MADD: variants seen among roughly 807,000 people sequenced by gnomAD.
MADD encodes MAP kinase activating death domain, also known as MAP kinase-activating death domain protein.
Under a neutral mutation model 176.7 loss-of-function variants are expected in MADD, and 109 were observed. That is an observed-to-expected ratio of 0.62 (90% CI 0.53 to 0.72). The LOEUF (loss-of-function observed/expected upper bound fraction) is 0.72, where lower values mean the gene tolerates loss of function less well. Among genes scored for constraint, MADD ranks in the 30% least tolerant of loss-of-function variants. MADD has a pLI of 0.00. For synonymous variants in MADD, 771 were observed against 771.3 expected (o/e 1.00, Z 0.01); for missense variants, 1,914 against 2,045.5 (o/e 0.94, Z 1.24).
chr11:47,308,870 G>C, intron 23 of MADD, 110 bp from the exon 26 acceptor site: 1 of 1,151,176 alleles, frequency 8.7e-7, no homozygotes. Flanking sequence ...CAAGCAGTGG[G>C]TGAAAACTGG....
At chr11:47,274,450 G>A in intron 2 of MADD, 113 bp from the exon 3 acceptor site, 1 of 880,170 alleles carries the variant, frequency 1.1e-6, no homozygotes, top group East Asian at 2.4e-5. Context: ...AGGTGTTACA[G>A]TCAGGTTACT....
chr11:47,274,773 T>C (rs367634564), exon 3 of MADD: 11 of 1,614,206 alleles, frequency 6.8e-6, no homozygotes, highest in African/African-American at 6.7e-5. Flanking sequence ...TCACGCGATA[T>C]GGCATCTGTG....
At chr11:47,298,241 A>C (rs1054962198) in intron 22 of MADD, among the ~76,000 whole-genome samples, 1 of 152,224 alleles carries the variant, frequency 6.6e-6, no homozygotes, top group South Asian at 2.1e-4. Flanking sequence ...GAGCCAGAGT[A>C]ATAGGAAAAT....
At chr11:47,328,836 A>G (rs1014875261) in intron 32 of MADD, 132 bp downstream of exon 36, 3 of 1,221,110 alleles carry the variant, frequency 2.5e-6, no homozygotes, top group Non-Finnish European at 3.5e-6. Context: ...CAAAGGTTCA[A>G]CTCAGGCTGA....
intron 10 of MADD, among the ~76,000 whole-genome samples, chr11:47,283,461 G>C (rs955831762): frequency 6.6e-6 from 1 of 151,322 alleles, no homozygotes; most frequent in Non-Finnish European, 1.5e-5. Flanking sequence ...GAGTGCAGTG[G>C]TGCCGTCTCA....
chr11:47,324,102 T>A (rs949623097), intron 28 of MADD, 163 bp from the exon 32 acceptor site: 1 of 674,364 alleles, frequency 1.5e-6, no homozygotes. Flanking sequence ...TCCGGATCTA[T>A]CATTCATAAC....
intron 27 of MADD, among the ~76,000 whole-genome samples, chr11:47,317,427 C>T (rs976744373): frequency 7.9e-5 from 12 of 152,274 alleles, no homozygotes; most frequent in African/African-American, 2.9e-4. Flanking sequence ...CCCCCTTTGC[C>T]ATTAATTTTG....
chr11:47,309,134 G>T, intron 23 of MADD, 92 bp downstream of exon 26: 1 of 1,554,220 alleles, frequency 6.4e-7, no homozygotes, highest in Non-Finnish European at 8.9e-7. Flanking sequence ...TGGCAGGCAT[G>T]TTAGATCTGG....
intron 23 of MADD, 62 bp from the exon 26 acceptor site, chr11:47,308,918 C>T (rs1405397081): frequency 2.6e-6 from 4 of 1,509,484 alleles, no homozygotes; most frequent in African/African-American, 1.4e-5. Context: ...CAGCCTTTGC[C>T]TTTCTGTCTT....
At chr11:47,290,899 C>T (rs1410100608) in intron 19 of MADD, 83 bp downstream of exon 20, 19 of 1,132,314 alleles carry the variant, frequency 1.7e-5, no homozygotes, top group Non-Finnish European at 2.2e-5. Flanking sequence ...AGAATCCTGC[C>T]TTTCTCTGCC....
chr11:47,303,507 G>A (rs904812664), intron 22 of MADD, among the ~76,000 whole-genome samples: 3 of 151,938 alleles, frequency 2.0e-5, no homozygotes, highest in Non-Finnish European at 2.9e-5. Flanking sequence ...CAAAGTGCTG[G>A]GATTACAGGC....
At chr11:47,295,129 G>T (rs1463750501) in intron 20 of MADD, among the ~76,000 whole-genome samples, 2 of 151,700 alleles carry the variant, frequency 1.3e-5, no homozygotes, top group African/African-American at 2.4e-5. Flanking sequence ...TCCCACCTCA[G>T]CGTCCTGAGC....
At chr11:47,324,497 G>T in exon 30 of MADD, 1 of 1,614,126 alleles carries the variant, frequency 6.2e-7, no homozygotes, top group Non-Finnish European at 8.5e-7. Context: ...CGAGTTCCCT[G>T]TGCAGGACCT....
At chr11:47,295,391 A>G (rs1593203107) in intron 20 of MADD, 105 bp from the exon 23 acceptor site, 1 of 870,256 alleles carries the variant, frequency 1.1e-6, no homozygotes, top group East Asian at 2.6e-5. Flanking sequence ...TCTAAGGATG[A>G]TAACAGAAGG....
intron 16 of MADD, 112 bp downstream of exon 17, chr11:47,289,605 T>G: frequency 1.1e-6 from 1 of 926,200 alleles, no homozygotes; most frequent in Non-Finnish European, 1.7e-6. Flanking sequence ...GGGGTAGATG[T>G]AATCAATTTC....
chr11:47,290,361 GAA>G, intron 18 of MADD, 62 bp downstream of exon 19: 1 of 1,580,302 alleles, frequency 6.3e-7, no homozygotes, highest in Non-Finnish European at 8.6e-7. Context: ...CTCCTGAAGA[GAA>G]AATATATGTG....
At chr11:47,326,989 T>C (rs981746485) in intron 31 of MADD, 182 bp downstream of exon 35, 15 of 1,370,882 alleles carry the variant, frequency 1.1e-5, no homozygotes, top group Middle Eastern at 2.4e-4. Context: ...AAGGGAAAGA[T>C]AGATAATGGA....
chr11:47,324,164 C>T (rs2095056152), intron 28 of MADD, 101 bp from the exon 32 acceptor site: 10 of 1,010,782 alleles, frequency 9.9e-6, no homozygotes, highest in Non-Finnish European at 1.5e-5. Flanking sequence ...TAAAATTTTA[C>T]CCCTCACTTC....
chr11:47,287,777 C>T (rs970960434), intron 15 of MADD, among the ~76,000 whole-genome samples: 1 of 133,298 alleles, frequency 7.5e-6, no homozygotes, highest in Non-Finnish European at 1.6e-5. Flanking sequence ...CAGTGAGAAA[C>T]ATGTATTTTT....
Sources: allele counts gnomAD v4.1 joint callset (sites outside exome capture counted in the v4.1 genomes callset), GRCh38; gene constraint gnomAD v4.1.1; transcripts MANE v1.5; gene names NCBI Gene and HGNC (gene_info 2026-07-23, HGNC 2026-07-21).